GALNTL6: variants seen among roughly 807,000 people sequenced by gnomAD.
GALNTL6 encodes polypeptide N-acetylgalactosaminyltransferase like 6.
In GALNTL6, 46 loss-of-function variants were observed where a neutral mutation model predicts 73.7. The ratio of observed to expected loss-of-function variants is 0.62; its 90% CI spans 0.49 to 0.80. The LOEUF (loss-of-function observed/expected upper bound fraction) is 0.80, where lower values mean the gene tolerates loss of function less well. Among genes scored for constraint, GALNTL6 ranks in the 30% least tolerant of loss-of-function variants. GALNTL6 has a pLI of 0.00. For missense variants in GALNTL6, 604 were observed against 755.0 expected, an observed-to-expected ratio of 0.80 and a Z score of 2.34; for synonymous variants, 259 against 263.7, an observed-to-expected ratio of 0.98 and a Z score of 0.17.
chr4:171,815,005 A>T (rs576294072), intron 2 of GALNTL6: 16 of 517,218 alleles, frequency 3.1e-5, no homozygotes, highest in African/African-American at 2.5e-4. Context: ...CTTGAGGTGG[A>T]TGAAAGGTAA....
At chr4:172,055,811 A>G (rs892324150) in intron 2 of GALNTL6, among the ~76,000 whole-genome samples, 1 of 152,160 alleles carries the variant, frequency 6.6e-6, no homozygotes, top group Non-Finnish European at 1.5e-5. Context: ...TCTTAGCCAG[A>G]TTGGTCTATA....
chr4:171,985,304 G>T (rs1740035002), intron 2 of GALNTL6, among the ~76,000 whole-genome samples: 1 of 152,180 alleles, frequency 6.6e-6, no homozygotes, highest in Non-Finnish European at 1.5e-5. Flanking sequence ...CAGAGAAAAT[G>T]AGAGCCAAGT....
chr4:172,725,014 A>G (rs1735714756), intron 5 of GALNTL6, among the ~76,000 whole-genome samples: 1 of 151,700 alleles, frequency 6.6e-6, no homozygotes, highest in Admixed American at 6.6e-5. Context: ...GTCTCCCCCA[A>G]CAGCCAAAAT....
chr4:171,852,762 T>A (rs999677655), intron 2 of GALNTL6, among the ~76,000 whole-genome samples: 8 of 151,268 alleles, frequency 5.3e-5, no homozygotes, highest in Non-Finnish European at 8.8e-5. Flanking sequence ...GATGTATCAT[T>A]TACCTATTAG....
At chr4:172,313,762 A>AG (rs2111149662) in intron 4 of GALNTL6, among the ~76,000 whole-genome samples, 1 of 152,370 alleles carries the variant, frequency 6.6e-6, no homozygotes, top group Admixed American at 6.5e-5. Context: ...GATATTTAAT[A>AG]GGACAAGTGG....
intron 5 of GALNTL6, among the ~76,000 whole-genome samples, chr4:172,380,655 AAAG>A (rs1156603603): frequency 1.3e-5 from 2 of 152,242 alleles, no homozygotes; most frequent in African/African-American, 4.8e-5. Context: ...TCAGAACCAC[AAAG>A]AAGAACTCTT....
chr4:172,481,219 T>C (rs1364943426), intron 5 of GALNTL6, among the ~76,000 whole-genome samples: 1 of 151,570 alleles, frequency 6.6e-6, no homozygotes, highest in Non-Finnish European at 1.5e-5. Context: ...AGGCAGCCAG[T>C]CGGGAGTTGT....
At chr4:171,922,694 A>G (rs1488618169) in intron 2 of GALNTL6, among the ~76,000 whole-genome samples, 1 of 152,130 alleles carries the variant, frequency 6.6e-6, no homozygotes, top group Non-Finnish European at 1.5e-5. Context: ...GCATATTCTT[A>G]GACTGGGACC....
At chr4:172,788,712 C>T (rs1339839617) in intron 5 of GALNTL6, among the ~76,000 whole-genome samples, 3 of 144,564 alleles carry the variant, frequency 2.1e-5, no homozygotes, top group Non-Finnish European at 4.5e-5. Context: ...TAGATACATA[C>T]ATACATACTT....
intron 2 of GALNTL6, among the ~76,000 whole-genome samples, chr4:172,002,142 C>T (rs889358939): frequency 2.6e-5 from 4 of 152,066 alleles, no homozygotes; most frequent in African/African-American, 4.8e-5. Flanking sequence ...ACAGGTAGGC[C>T]TTATTATATT....
chr4:172,447,898 TG>T (rs1157209899), intron 5 of GALNTL6, among the ~76,000 whole-genome samples: 4 of 152,176 alleles, frequency 2.6e-5, no homozygotes, highest in Admixed American at 6.5e-5. Context: ...AGGAATAAGT[TG>T]TCTCCCAAAA....
intron 5 of GALNTL6, among the ~76,000 whole-genome samples, chr4:172,805,360 T>G (rs1195309514): frequency 6.6e-6 from 1 of 152,200 alleles, no homozygotes; most frequent in East Asian, 1.9e-4. Flanking sequence ...TCTACAAAAC[T>G]GCTAAATTTG....
intron 5 of GALNTL6, among the ~76,000 whole-genome samples, chr4:172,430,462 A>G (rs540829292): frequency 6.6e-6 from 1 of 152,182 alleles, no homozygotes; most frequent in African/African-American, 2.4e-5. Flanking sequence ...CAGTAGTGAT[A>G]TGATTCCCAG....
At chr4:172,425,565 A>G (rs553440748) in intron 5 of GALNTL6, among the ~76,000 whole-genome samples, 269 of 152,192 alleles carry the variant, frequency 1.8e-3, no homozygotes, top group African/African-American at 6.1e-3. Flanking sequence ...TTTATATGTA[A>G]TTTGAACAAG....
At chr4:172,981,606 A>G (rs1371269630) in intron 10 of GALNTL6, among the ~76,000 whole-genome samples, 1 of 152,200 alleles carries the variant, frequency 6.6e-6, no homozygotes, top group Non-Finnish European at 1.5e-5. Flanking sequence ...GTAGCACTAT[A>G]GTAAGCTTAG....
chr4:172,488,388 C>T (rs1256722602), intron 5 of GALNTL6, among the ~76,000 whole-genome samples: 1 of 152,180 alleles, frequency 6.6e-6, no homozygotes, highest in African/African-American at 2.4e-5. Context: ...AAGATGGTGT[C>T]TAGGGGTAAA....
intron 2 of GALNTL6, among the ~76,000 whole-genome samples, chr4:172,017,603 C>CCAG (rs1312764181): frequency 9.2e-5 from 14 of 152,154 alleles, no homozygotes; most frequent in African/African-American, 3.1e-4. Flanking sequence ...CCTACTATAC[C>CCAG]CAGCACTGTG....
chr4:172,026,532 A>G (rs1024791184), intron 2 of GALNTL6, among the ~76,000 whole-genome samples: 1 of 152,182 alleles, frequency 6.6e-6, no homozygotes, highest in African/African-American at 2.4e-5. Flanking sequence ...TGAATTTTTA[A>G]TTAAGTAAAT....
At chr4:171,851,658 T>G (rs959223145) in intron 2 of GALNTL6, among the ~76,000 whole-genome samples, 2 of 152,182 alleles carry the variant, frequency 1.3e-5, no homozygotes, top group African/African-American at 4.8e-5. Flanking sequence ...AAAAAAATGT[T>G]ATCTTTTTTG....
Sources: allele counts gnomAD v4.1 joint callset (sites outside exome capture counted in the v4.1 genomes callset), GRCh38; gene constraint gnomAD v4.1.1; transcripts MANE v1.5; gene names NCBI Gene and HGNC (gene_info 2026-07-23, HGNC 2026-07-21).